Variants in PPP2R5E observed in about 807,000 individuals in gnomAD.
PPP2R5E encodes serine/threonine-protein phosphatase 2A 56 kDa regulatory subunit epsilon isoform.
PPP2R5E carries 4 observed loss-of-function variants against 65.3 expected under a neutral mutation model. The ratio of observed to expected loss-of-function variants is 0.06; its 90% CI spans 0.03 to 0.14. The LOEUF (loss-of-function observed/expected upper bound fraction) is 0.14. PPP2R5E is among the 10% of genes least tolerant of loss of function. The pLI, the probability that PPP2R5E is intolerant of heterozygous loss-of-function variation, is 1.00. For synonymous variants in PPP2R5E, 183 were observed against 187.4 expected (o/e 0.98, Z 0.19); for missense variants, 274 against 556.1 (o/e 0.49, Z 5.10).
intron 5 of PPP2R5E, among the ~76,000 whole-genome samples, chr14:63,407,821 T>C (rs1886176497): frequency 6.6e-6 from 1 of 152,192 alleles, no homozygotes; most frequent in African/African-American, 2.4e-5. Flanking sequence ...GAAAGGGGAT[T>C]TGGGACATGG....
Position 63,504,771 on chromosome 14 carries a change from C to T in PPP2R5E, c.157+34758G>A, listed in dbSNP as rs113520280. On this transcript the variant is annotated intron_variant, in intron 2 of 13. Transcript: ENST00000337537. The stretch of plus-strand genomic sequence containing the variant: ...TACACGTCTTAGTCACCCTTTACCC[C>T]CAGGGCATAGCATAAAATATGTGTT... 5.5e-3 allele frequency among the ~76,000 whole-genome samples: 841 copies of T among 152,158 alleles called. 5 individuals carry two copies. Among genetic ancestry groups the T allele is most frequent in the Non-Finnish European group, 6.9e-3 (470 of 68,010 alleles).
intron 4 of PPP2R5E, among the ~76,000 whole-genome samples, chr14:63,420,702 C>T (rs554369684): frequency 5.9e-5 from 9 of 152,274 alleles, no homozygotes; most frequent in African/African-American, 1.7e-4. Flanking sequence ...GGGGGAAAAA[C>T]TCTTAGAATA....
Position 63,422,047 on chromosome 14 carries a change from T to C in PPP2R5E, c.402A>G (p.Glu134=). 1 of 1,613,890 alleles carries C rather than the reference T, an allele frequency of 6.2e-7. No individual in the cohort carries two copies. Among genetic ancestry groups the C allele is most frequent in the South Asian group, 1.1e-5 (1 of 91,066 alleles). The change falls in exon 4 of 14, where the codon GAA becomes GAG. Residue 134 remains glutamate, a synonymous_variant. Coordinates refer to ENST00000337537, the MANE Select transcript of PPP2R5E (RefSeq NM_006246.5). ...TAGGTTCATCTTCTTCTGGATCAAA[T>C]TCATTGCTGTCACTAGGAGGGAGAG... ...FRTLPPSDSN[E]FDPEEDEPTL...
intron 11 of PPP2R5E, among the ~76,000 whole-genome samples, chr14:63,388,589 A>G (rs1207842643): frequency 6.6e-6 from 1 of 152,044 alleles, no homozygotes; most frequent in Non-Finnish European, 1.5e-5. Flanking sequence ...CTGTTCTGTA[A>G]TTTTTCCATT....
At chr14:63,421,053 A>G in intron 4 of PPP2R5E, among the ~76,000 whole-genome samples, 1 of 24,676 alleles carries the variant, frequency 4.1e-5, no homozygotes, top group Non-Finnish European at 7.0e-5. Flanking sequence ...ACTCCGTCTC[A>G]AAAAAAAAAA....
chr14:63,389,400 G>A (rs1350166669), intron 11 of PPP2R5E, among the ~76,000 whole-genome samples: 2 of 152,012 alleles, frequency 1.3e-5, no homozygotes, highest in African/African-American at 4.8e-5. Flanking sequence ...CAGGGTGTTA[G>A]GAGAATTAAA....
At chr14:63,410,245 C>A (rs1049235820) in intron 5 of PPP2R5E, among the ~76,000 whole-genome samples, 2 of 151,974 alleles carry the variant, frequency 1.3e-5, no homozygotes, top group African/African-American at 4.8e-5. Flanking sequence ...TAGAAATCTG[C>A]CCAAAGAAAA....
At chr14:63,400,298 T>C (rs1193302430) in intron 5 of PPP2R5E, among the ~76,000 whole-genome samples, 1 of 152,216 alleles carries the variant, frequency 6.6e-6, no homozygotes, top group Non-Finnish European at 1.5e-5. Context: ...GTTAAGTAGT[T>C]CAGGATGTTG....
Position 63,375,913 on chromosome 14 carries a change from A to G in PPP2R5E, c.*96T>C, listed in dbSNP as rs961224095. Reference sequence around the variant, plus strand: ...TAATAATGAAACAAAGGTGAAATCTACTGTAAAGTTGCACAATACAGAAAA... The same window carrying G: ...TAATAATGAAACAAAGGTGAAATCTGCTGTAAAGTTGCACAATACAGAAAA... On this transcript the variant is annotated 3_prime_UTR_variant, in exon 14 of 14. Coordinates refer to ENST00000337537, the MANE Select transcript of PPP2R5E (RefSeq NM_006246.5). 6.0e-6 allele frequency: 5 copies of G among 831,128 alleles called. No individual in the cohort carries two copies. The African/African-American group carries it at 8.5e-5, about 14-fold the overall frequency. The allele number at this position is 831,128 out of a possible 1,614,324, so 51.5% of individuals were successfully genotyped here.
intron 2 of PPP2R5E, among the ~76,000 whole-genome samples, chr14:63,463,185 G>A (rs969692709): frequency 2.6e-5 from 4 of 151,118 alleles, no homozygotes; most frequent in Non-Finnish European, 4.4e-5. Flanking sequence ...CTGTCACCCA[G>A]GCTGGAGGCA....
intron 2 of PPP2R5E, among the ~76,000 whole-genome samples, chr14:63,475,293 C>T (rs1396346144): frequency 1.3e-5 from 2 of 152,218 alleles, no homozygotes; most frequent in African/African-American, 4.8e-5. Context: ...TATATCTTGC[C>T]TATAGATGGG....
Position 63,389,641 on chromosome 14 carries a change from C to A in PPP2R5E, c.1045G>T (p.Ala349Ser). The part of the protein sequence containing the change: ...KIQEPLFKQI[A>S]KCVSSPHFQV... ...AAATGGGGGCTAGATACACACTTGGCGATTTGTTTAAACAAAGGTTCTTGG... is the reference window on the plus strand; with the variant it reads ...AAATGGGGGCTAGATACACACTTGGAGATTTGTTTAAACAAAGGTTCTTGG... Residue 349 changes from alanine (A) to serine (S), a missense_variant, in exon 11 of 14, where the codon GCC becomes TCC. By Grantham distance (99) the Ala-to-Ser change is moderately conservative. This residue lies in a region of PPP2R5E where 129 missense variants were observed against 254.9 expected (regional missense o/e 0.51). Transcript: ENST00000337537. 6.2e-7 allele frequency: 1 copy of A among 1,610,950 alleles called. No homozygotes were observed. Among genetic ancestry groups the A allele is most frequent in the Non-Finnish European group, 8.5e-7 (1 of 1,179,274 alleles).
rs1385770873 is a variant in PPP2R5E at position 63,374,758 on chromosome 14, T to C, written c.*1251A>G. On this transcript the variant is annotated 3_prime_UTR_variant, in exon 14 of 14. Coordinates refer to ENST00000337537, the MANE Select transcript of PPP2R5E (RefSeq NM_006246.5). ...CTTTGATATAAAAGCATTTTTAAACTTTATTATTAATACTCAGGACATTAG... is the reference window on the plus strand; with the variant it reads ...CTTTGATATAAAAGCATTTTTAAACCTTATTATTAATACTCAGGACATTAG... 2.0e-5 allele frequency: 3 copies of C among 151,226 alleles called. No individual in the cohort carries two copies. The highest frequency in any genetic ancestry group is 3.0e-5 in the Non-Finnish European group (2 of 67,778). 9.4% of individuals were successfully genotyped at this position (151,226 alleles called of 1,614,324 possible).
chr14:63,393,977 C>T (rs10083420), intron 7 of PPP2R5E, 49 bp from the exon 8 acceptor site: 4 of 1,062,790 alleles, frequency 3.8e-6, no homozygotes, highest in Non-Finnish European at 4.4e-6. Flanking sequence ...ACAAGTTGAA[C>T]TGAGACAAAC....
chr14:63,445,825 G>C (rs551212758), intron 3 of PPP2R5E, among the ~76,000 whole-genome samples: 1 of 150,718 alleles, frequency 6.6e-6, no homozygotes, highest in Non-Finnish European at 1.5e-5. Flanking sequence ...CTGGGCAATA[G>C]AGTGAGACTC....
intron 4 of PPP2R5E, 46 bp from the exon 5 acceptor site, chr14:63,415,278 G>T: frequency 7.2e-7 from 1 of 1,398,502 alleles, no homozygotes; most frequent in South Asian, 1.2e-5. Flanking sequence ...GACTCACTGA[G>T]AACAGTACTA....
At chr14:63,448,093 A>G (rs757694244) in intron 3 of PPP2R5E, among the ~76,000 whole-genome samples, 2 of 151,778 alleles carry the variant, frequency 1.3e-5, no homozygotes, top group East Asian at 2.0e-4. Flanking sequence ...GTCAGGAGAT[A>G]GAGACCATCC....
At chr14:63,519,668 C>CTT (rs879481527) in intron 2 of PPP2R5E, among the ~76,000 whole-genome samples, 13 of 140,346 alleles carry the variant, frequency 9.3e-5, no homozygotes, top group African/African-American at 3.1e-4. Context: ...GACAAACTCT[C>CTT]TTTTTTTTTT....
At chr14:63,509,872 C>G (rs548000854) in intron 2 of PPP2R5E, among the ~76,000 whole-genome samples, 1 of 152,104 alleles carries the variant, frequency 6.6e-6, no homozygotes, top group Admixed American at 6.5e-5. Flanking sequence ...CAATTTGGTA[C>G]GTAGATCTGA....
Sources: gnomAD v4.1 joint callset for allele counts (sites outside exome capture counted in the v4.1 genomes callset) on GRCh38, gnomAD v4.1.1 for gene constraint, gnomAD v4.1.1 regional missense constraint, MANE v1.5 for transcripts, NCBI Gene and HGNC (gene_info 2026-07-23, HGNC 2026-07-21) for gene names.